The following SOX6 variants were observed in gnomAD, a reference collection of about 807,000 sequenced individuals.
SOX6 encodes transcription factor SOX-6.
Under a neutral mutation model 97.8 loss-of-function variants are expected in SOX6, and 11 were observed. The ratio of observed to expected loss-of-function variants is 0.11; its 90% CI spans 0.07 to 0.19. The LOEUF (loss-of-function observed/expected upper bound fraction) is 0.19. Ranked by LOEUF, SOX6 falls within the 10% of genes least tolerant of loss-of-function variation. The pLI, the probability that SOX6 is intolerant of heterozygous loss-of-function variation, is 1.00. For synonymous variants in SOX6, 360 were observed against 371.4 expected (o/e 0.97, Z 0.35); for missense variants, 810 against 1,039.5 (o/e 0.78, Z 3.04).
chr11:16,517,455 G>C (rs1860991476), intron 4 of SOX6, among the ~76,000 whole-genome samples: 1 of 152,202 alleles, frequency 6.6e-6, no homozygotes, highest in African/African-American at 2.4e-5. Context: ...TGATGTAAGA[G>C]AGGAATGTGA....
chr11:16,161,027 C>T (rs1464631320), intron 6 of SOX6, among the ~76,000 whole-genome samples: 3 of 152,002 alleles, frequency 2.0e-5, no homozygotes, highest in Non-Finnish European at 4.4e-5. Flanking sequence ...CTTTATCACA[C>T]CCAGTTGAAT....
At chr11:15,990,594 A>G (rs1167255489) in intron 13 of SOX6, among the ~76,000 whole-genome samples, 2 of 152,294 alleles carry the variant, frequency 1.3e-5, no homozygotes, top group African/African-American at 2.4e-5. Context: ...ATGAATGAAC[A>G]TAGTTCTTAC....
intron 3 of SOX6, among the ~76,000 whole-genome samples, chr11:16,245,990 T>C (rs990156728): frequency 1.5e-4 from 22 of 151,418 alleles, no homozygotes; most frequent in Non-Finnish European, 3.0e-4. Flanking sequence ...GTTCCTTTGT[T>C]CCTCTTTTCT....
At chr11:16,365,138 A>G (rs1442966993) in intron 1 of SOX6, among the ~76,000 whole-genome samples, 3 of 152,028 alleles carry the variant, frequency 2.0e-5, no homozygotes, top group Admixed American at 1.3e-4. Context: ...TTCATCTCTT[A>G]CTGTACCTAA....
rs11023887 is a variant in SOX6 at position 16,242,129 on chromosome 11, T to C, written c.446-7458A>G. Among the ~76,000 whole-genome samples, 3,084 of 152,148 alleles carry C rather than the reference T, an allele frequency of 0.02. 195 individuals are homozygous for C. The East Asian group carries it at 0.24, about 12-fold the overall frequency. ...GTTAACTTGTACTACCACATTGAAA[T>C]ATTTATTATGTATACAGTCATGAGC... On this transcript the variant is annotated intron_variant, in intron 3 of 15. Coordinates refer to ENST00000683767, the MANE Select transcript of SOX6 (RefSeq NM_001367873.1).
At chr11:16,639,856 C>T in intron 3 of SOX6, among the ~76,000 whole-genome samples, 1 of 152,110 alleles carries the variant, frequency 6.6e-6, no homozygotes, top group South Asian at 2.1e-4. Context: ...CATCTGCAAA[C>T]AGGGACAATT....
chr11:16,240,316 G>GT (rs1853150555), intron 3 of SOX6, among the ~76,000 whole-genome samples: 5 of 147,292 alleles, frequency 3.4e-5, no homozygotes, highest in Admixed American at 2.1e-4. Context: ...GTGTGTGTGT[G>GT]GCAGTGGAAG....
intron 1 of SOX6, among the ~76,000 whole-genome samples, chr11:16,453,678 A>T (rs1282731729): frequency 1.3e-5 from 2 of 152,116 alleles, no homozygotes; most frequent in Non-Finnish European, 2.9e-5. Context: ...TATATTGCTA[A>T]GCTAAAAATA....
chr11:16,214,493 T>C (rs1397695892), intron 4 of SOX6, among the ~76,000 whole-genome samples: 1 of 152,190 alleles, frequency 6.6e-6, no homozygotes, highest in African/African-American at 2.4e-5. Context: ...TGCCTTTATG[T>C]TCTTCATTCT....
intron 1 of SOX6, among the ~76,000 whole-genome samples, chr11:16,469,491 T>G (rs191548711): frequency 6.6e-6 from 1 of 152,260 alleles, no homozygotes; most frequent in East Asian, 1.9e-4. Flanking sequence ...TGAACCTATT[T>G]GCAAATCAAA....
At chr11:16,634,198 G>A (rs895114362) in intron 3 of SOX6, among the ~76,000 whole-genome samples, 1 of 151,988 alleles carries the variant, frequency 6.6e-6, no homozygotes, top group Non-Finnish European at 1.5e-5. Context: ...GGAAAAAAGA[G>A]AAACTTAGGA....
At chr11:16,655,431 C>G (rs920057373) in intron 3 of SOX6, among the ~76,000 whole-genome samples, 5 of 151,988 alleles carry the variant, frequency 3.3e-5, no homozygotes, top group Non-Finnish European at 7.4e-5. Context: ...AGAGGAAACA[C>G]GAAAGGTGAC....
chr11:16,324,374 C>T (rs297353), intron 2 of SOX6, among the ~76,000 whole-genome samples: 150,956 of 152,264 alleles, frequency 0.99, 74,840 homozygotes, highest in East Asian at 1. Flanking sequence ...AACATACTGT[C>T]GTTTACAGTG....
intron 12 of SOX6, among the ~76,000 whole-genome samples, chr11:16,029,364 G>A (rs535680681): frequency 2.7e-4 from 41 of 152,294 alleles, no homozygotes; most frequent in African/African-American, 9.6e-4. Context: ...AGGGCCGGGC[G>A]TGGTGGCTCA....
intron 1 of SOX6, among the ~76,000 whole-genome samples, chr11:16,420,637 G>C (rs911827878): frequency 6.6e-6 from 1 of 152,074 alleles, no homozygotes; most frequent in Non-Finnish European, 1.5e-5. Flanking sequence ...TTTTTAAAAC[G>C]TATTTTTTTC....
chr11:16,377,048 T>C (rs1277727345), intron 1 of SOX6, among the ~76,000 whole-genome samples: 1 of 151,416 alleles, frequency 6.6e-6, no homozygotes, highest in Non-Finnish European at 1.5e-5. Flanking sequence ...AAAAGTCAAG[T>C]TGTTAGTTAC....
intron 4 of SOX6, among the ~76,000 whole-genome samples, chr11:16,488,692 C>G (rs554846811): frequency 6.6e-6 from 1 of 152,262 alleles, no homozygotes; most frequent in East Asian, 1.9e-4. Flanking sequence ...ACAGGTTAGT[C>G]CTTCTCAACC....
chr11:16,049,742 C>T lies in SOX6; in HGVS notation c.1435+13G>A. The T allele has an allele frequency of 4.3e-6, 7 of 1,613,146 alleles. No individual in the cohort carries two copies. Among genetic ancestry groups the T allele is most frequent in the Non-Finnish European group, 5.9e-6 (7 of 1,179,746 alleles). On this transcript the variant is annotated intron_variant, in intron 11 of 15. Transcript: ENST00000683767. ...TTCGTAAGTCTCTTCCTGGTGTTGACTTTTCCATTTACCTAAAGAGGATCC... is the reference window on the plus strand; with the variant it reads ...TTCGTAAGTCTCTTCCTGGTGTTGATTTTTCCATTTACCTAAAGAGGATCC...
At chr11:16,487,827 T>A (rs1860459701) in intron 4 of SOX6, among the ~76,000 whole-genome samples, 1 of 152,122 alleles carries the variant, frequency 6.6e-6, no homozygotes, top group Non-Finnish European at 1.5e-5. Flanking sequence ...TAACCACAAA[T>A]AATGACTTCA....
Sources: allele counts gnomAD v4.1 joint callset (sites outside exome capture counted in the v4.1 genomes callset), GRCh38; gene constraint gnomAD v4.1.1; transcripts MANE v1.5; gene names NCBI Gene and HGNC (gene_info 2026-07-23, HGNC 2026-07-21).